Variants in RANBP17 observed in about 807,000 individuals in gnomAD.
RANBP17 encodes the protein ran-binding protein 17.
Under a neutral mutation model 141.2 loss-of-function variants are expected in RANBP17, and 158 were observed. The ratio of observed to expected loss-of-function variants is 1.12; its 90% CI spans 0.98 to 1.28. The LOEUF is 1.28. RANBP17 is among the 50% of genes most tolerant of loss of function. RANBP17 has a pLI of 0.00. For synonymous variants in RANBP17, 430 were observed against 450.0 expected (o/e 0.96, Z 0.56); for missense variants, 1,438 against 1,290.7 (o/e 1.11, Z -1.75).
At chr5:170,933,019 C>T (rs1581177075) in intron 12 of RANBP17, among the ~76,000 whole-genome samples, 1 of 152,208 alleles carries the variant, frequency 6.6e-6, no homozygotes, top group South Asian at 2.1e-4. Flanking sequence ...TGGTAGAATT[C>T]GGCTGTGAAT....
chr5:171,025,731 A>G (rs1033178991), intron 14 of RANBP17, among the ~76,000 whole-genome samples: 2 of 151,634 alleles, frequency 1.3e-5, no homozygotes, highest in Non-Finnish European at 2.9e-5. Flanking sequence ...TACATGCCCA[A>G]GTAATTGTTG....
intron 24 of RANBP17, chr5:171,252,623 T>A: frequency 7.4e-7 from 1 of 1,359,412 alleles, no homozygotes; most frequent in Non-Finnish European, 1.1e-6. Context: ...CTTCATCGAT[T>A]TACAAAACTC....
At chr5:171,025,561 T>C (rs1417957108) in intron 14 of RANBP17, among the ~76,000 whole-genome samples, 2 of 150,616 alleles carry the variant, frequency 1.3e-5, no homozygotes, top group Admixed American at 6.6e-5. Context: ...ATTTTGTCCT[T>C]AGTCCTTTTT....
intron 11 of RANBP17, 59 bp downstream of exon 11, chr5:170,919,672 A>C: frequency 7.5e-7 from 1 of 1,330,344 alleles, no homozygotes; most frequent in South Asian, 1.6e-5. Flanking sequence ...ATTTTTTAAG[A>C]TAAAGTTATA....
At chr5:171,227,233 T>G (rs1581069137) in intron 22 of RANBP17, among the ~76,000 whole-genome samples, 1 of 152,344 alleles carries the variant, frequency 6.6e-6, no homozygotes, top group Non-Finnish European at 1.5e-5. Flanking sequence ...AACAGCCAAG[T>G]GGTGAATGCA....
At chr5:171,022,574 G>T (rs938843652) in intron 14 of RANBP17, among the ~76,000 whole-genome samples, 1 of 152,228 alleles carries the variant, frequency 6.6e-6, no homozygotes, top group African/African-American at 2.4e-5. Context: ...TCTGACCACA[G>T]TCTGCCACAG....
At position 171,184,280 on chromosome 5, in the gene RANBP17, A is replaced by G. The variant is rs567359480; in HGVS notation, c.2038+850A>G. ...GATAAAGAAAATGTGGTATATATAC[A>G]CAGTGGGATACTATTCAGCCATAAA... On this transcript the variant is annotated intron_variant, in intron 18 of 27. Coordinates refer to ENST00000523189, the MANE Select transcript of RANBP17 (RefSeq NM_022897.5). Among the ~76,000 whole-genome samples the G allele has an allele frequency of 4.6e-5, 7 of 152,376 alleles. No individual in the cohort carries two copies. In the South Asian group the frequency reaches 1.4e-3, roughly 32 times the overall value.
intron 13 of RANBP17, among the ~76,000 whole-genome samples, chr5:170,956,920 A>G (rs1775750126): frequency 6.6e-6 from 1 of 151,746 alleles, no homozygotes; most frequent in Non-Finnish European, 1.5e-5. Flanking sequence ...AAATACAAAA[A>G]TTAGCCAGGT....
At chr5:170,973,822 C>T (rs4868053) in intron 14 of RANBP17, among the ~76,000 whole-genome samples, 93,063 of 151,962 alleles carry the variant, frequency 0.61, 29,861 homozygotes, top group South Asian at 0.88. Flanking sequence ...TAGTTGGTGC[C>T]GTCTCTCTGT....
chr5:170,926,134 T>G (rs1027312079), intron 12 of RANBP17, among the ~76,000 whole-genome samples: 1 of 152,146 alleles, frequency 6.6e-6, no homozygotes, highest in Admixed American at 6.6e-5. Context: ...GTGGCAAACT[T>G]TTTCTTAAAG....
chr5:170,951,475 TGAAAG>T (rs1775208051), intron 12 of RANBP17, among the ~76,000 whole-genome samples: 1 of 152,170 alleles, frequency 6.6e-6, no homozygotes, highest in South Asian at 2.1e-4. Context: ...TATGCTGACT[TGAAAG>T]GAGATAGTCA....
chr5:170,919,857 T>C (rs1460790185), intron 11 of RANBP17, among the ~76,000 whole-genome samples: 2 of 151,914 alleles, frequency 1.3e-5, no homozygotes, highest in African/African-American at 4.8e-5. Flanking sequence ...GTTACTGATC[T>C]GTTTTGTGTA....
intron 14 of RANBP17, among the ~76,000 whole-genome samples, chr5:170,972,063 A>C (rs921337868): frequency 1.1e-4 from 17 of 151,580 alleles, no homozygotes; most frequent in African/African-American, 4.1e-4. Context: ...TCCTAAATTT[A>C]GTATTATTCT....
At chr5:171,125,626 C>G (rs1286029922) in intron 14 of RANBP17, among the ~76,000 whole-genome samples, 3 of 152,082 alleles carry the variant, frequency 2.0e-5, no homozygotes, top group African/African-American at 7.2e-5. Context: ...GCAAAAAATC[C>G]ACAAAGAAAC....
intron 14 of RANBP17, chr5:171,161,517 C>G (rs2127857626): frequency 5.3e-6 from 1 of 187,520 alleles, no homozygotes; most frequent in African/African-American, 2.3e-5. Context: ...TTATGCTTGT[C>G]TCACTACAGC....
At chr5:170,941,248 C>T (rs905466962) in intron 12 of RANBP17, among the ~76,000 whole-genome samples, 4 of 151,396 alleles carry the variant, frequency 2.6e-5, no homozygotes, top group Admixed American at 6.6e-5. Context: ...AAGAAGGAAA[C>T]GAAGCAGAAA....
intron 14 of RANBP17, among the ~76,000 whole-genome samples, chr5:171,002,859 G>T (rs1561975423): frequency 6.6e-6 from 1 of 152,282 alleles, no homozygotes; most frequent in South Asian, 2.1e-4. Context: ...CAGTCATGGG[G>T]GTCAGGTGTG....
At chr5:171,197,643 C>T (rs766222823) in intron 18 of RANBP17, among the ~76,000 whole-genome samples, 10 of 152,094 alleles carry the variant, frequency 6.6e-5, no homozygotes, top group Admixed American at 3.9e-4. Flanking sequence ...CGCAGTAACC[C>T]TGATCAGATG....
chr5:171,083,571 A>G (rs1785398807), intron 14 of RANBP17, among the ~76,000 whole-genome samples: 2 of 152,168 alleles, frequency 1.3e-5, no homozygotes, highest in Non-Finnish European at 2.9e-5. Flanking sequence ...CAACTTCTAC[A>G]TTATTTTTTC....
Sources: allele counts gnomAD v4.1 joint callset (sites outside exome capture counted in the v4.1 genomes callset), GRCh38; gene constraint gnomAD v4.1.1; transcripts MANE v1.5; gene names NCBI Gene and HGNC (gene_info 2026-07-23, HGNC 2026-07-21).